RNF216: variants seen among roughly 807,000 people sequenced by gnomAD.
The protein encoded by RNF216 is E3 ubiquitin-protein ligase RNF216.
RNF216 carries 72 observed loss-of-function variants against 110.8 expected under a neutral mutation model. That is an observed-to-expected ratio of 0.65 (90% CI 0.54 to 0.79). RNF216 has a LOEUF of 0.79. RNF216 is among the 30% of genes least tolerant of loss of function. The pLI, the probability that RNF216 is intolerant of heterozygous loss-of-function variation, is 0.00. For synonymous variants in RNF216, 495 were observed against 407.5 expected, an observed-to-expected ratio of 1.21 and a Z score of -2.59; for missense variants, 1,342 against 1,141.2, an observed-to-expected ratio of 1.18 and a Z score of -2.54.
chr7:5,732,969 C>A (rs181900897), intron 5 of RNF216: 2 of 152,326 alleles, frequency 1.3e-5, no homozygotes, highest in African/African-American at 4.8e-5. Context: ...AAGTAGATTA[C>A]CTGCCATGTG....
chr7:5,690,978 C>G (rs866869970), intron 13 of RNF216, among the ~76,000 whole-genome samples: 1 of 152,202 alleles, frequency 6.6e-6, no homozygotes, highest in Non-Finnish European at 1.5e-5. Flanking sequence ...AGCACACAGC[C>G]AGGAGAGGCT....
chr7:5,712,448 G>C (rs1347144897), intron 12 of RNF216, among the ~76,000 whole-genome samples: 1 of 151,900 alleles, frequency 6.6e-6, no homozygotes, highest in Non-Finnish European at 1.5e-5. Context: ...ACTCCAGCCT[G>C]GGCGACAGAG....
Position 5,652,471 on chromosome 7 carries a change from T to G in RNF216, c.2101A>C (p.Asn701His). 6.2e-7 allele frequency: 1 copy of G among 1,613,950 alleles called. No homozygotes were observed. The highest frequency in any genetic ancestry group is 8.5e-7 in the Non-Finnish European group (1 of 1,179,856). The stretch of plus-strand genomic sequence containing the variant: ...GCCAGCTCTTCACAGGTGAGGCCAT[T>G]ATGTTCTTTCCAGAGTCCCTGACAC... ...RKCQGLWKEH[N>H]GLTCEELAEK... The change falls in exon 14 of 17, where the codon AAT becomes CAT. Residue 701 changes from asparagine to histidine, a missense_variant. Physicochemically the swap from Asn to His is moderately conservative, Grantham distance 68. Coordinates refer to ENST00000389902, the MANE Select transcript of RNF216 (RefSeq NM_207111.4).
chr7:5,708,200 A>T (rs1049242853), intron 13 of RNF216, among the ~76,000 whole-genome samples: 1 of 152,242 alleles, frequency 6.6e-6, no homozygotes, highest in African/African-American at 2.4e-5. Context: ...ACAGAGGAGA[A>T]AAAGTGTTTT....
chr7:5,696,247 G>A lies in RNF216; in HGVS notation c.2061+15514C>T, dbSNP rs745522866. Among the ~76,000 whole-genome samples, 1 of 152,250 alleles carries A rather than the reference G, an allele frequency of 6.6e-6. No individual in the cohort carries two copies. The highest frequency in any genetic ancestry group is 1.5e-5 in the Non-Finnish European group (1 of 68,040). On this transcript the variant is annotated intron_variant, in intron 13 of 16. Transcript: ENST00000389902. The surrounding 1 kb of genome is among the most constrained non-coding windows in gnomAD (Gnocchi z 5.4). ...CCATGGAAAAAAAGCAGGGCTCTCA[G>A]CAGCTGGGAAAACATGTTGCAAAAG...
chr7:5,755,184 A>AG (rs1430973077), intron 2 of RNF216, among the ~76,000 whole-genome samples: 1 of 143,850 alleles, frequency 7.0e-6, no homozygotes, highest in East Asian at 2.1e-4. Context: ...GAGGAAAGGA[A>AG]GAAGGAAGGA....
At chr7:5,708,767 A>G (rs1792465717) in intron 13 of RNF216, among the ~76,000 whole-genome samples, 1 of 152,128 alleles carries the variant, frequency 6.6e-6, no homozygotes, top group Non-Finnish European at 1.5e-5. Flanking sequence ...CAGCAGCTCC[A>G]AGGCATCTAG....
At chr7:5,646,470 G>A (rs1484669335) in intron 14 of RNF216, among the ~76,000 whole-genome samples, 1 of 152,104 alleles carries the variant, frequency 6.6e-6, no homozygotes, top group Admixed American at 6.6e-5. Context: ...GAGGCGGGCA[G>A]ATAATGAGGT....
chr7:5,698,384 TACACACACACACACAC>T (rs376096873), intron 13 of RNF216, among the ~76,000 whole-genome samples: 2 of 145,396 alleles, frequency 1.4e-5, no homozygotes, highest in South Asian at 2.2e-4. Flanking sequence ...GATTCTTTTA[TACACACACACACACAC>T]ACACACACAC....
chr7:5,653,789 G>C (rs1377487896), intron 13 of RNF216, among the ~76,000 whole-genome samples: 1 of 152,096 alleles, frequency 6.6e-6, no homozygotes, highest in Admixed American at 6.5e-5. Flanking sequence ...GAGATCCAAA[G>C]GACGAGTCAA....
intron 13 of RNF216, among the ~76,000 whole-genome samples, chr7:5,688,773 G>A (rs982322025): frequency 2.0e-5 from 3 of 152,136 alleles, no homozygotes; most frequent in African/African-American, 7.2e-5. Flanking sequence ...GGTGACTTAG[G>A]ATTGGGCAAT....
At chr7:5,734,082 A>G (rs769600468) in intron 5 of RNF216, among the ~76,000 whole-genome samples, 66 of 152,228 alleles carry the variant, frequency 4.3e-4, no homozygotes, top group Non-Finnish European at 8.1e-4. Context: ...CCAACAAACA[A>G]TTCTGCTGGA....
chr7:5,741,720 A>C lies in RNF216; in HGVS notation c.297T>G (p.Ser99=), dbSNP rs750928346. 20 of 1,614,128 alleles carry C rather than the reference A, an allele frequency of 1.2e-5. No individual in the cohort carries two copies. Among genetic ancestry groups the C allele is most frequent in the Non-Finnish European group, 1.4e-5 (17 of 1,180,064 alleles). ...KRLGEERPKK[S]RAAFESDKSS... ...TCTTATCTGATTCAAATGCTGCTCTAGACTTTTTAGGCCTTTCTTCTCCCA... is the reference window on the plus strand; with the variant it reads ...TCTTATCTGATTCAAATGCTGCTCTCGACTTTTTAGGCCTTTCTTCTCCCA... The change falls in exon 4 of 17, where the codon TCT becomes TCG. Residue 99 remains serine (S), a synonymous_variant. Transcript: ENST00000389902.
At chr7:5,652,934 G>C (rs945432476) in intron 13 of RNF216, among the ~76,000 whole-genome samples, 1 of 152,174 alleles carries the variant, frequency 6.6e-6, no homozygotes. Context: ...AAAATGCTCT[G>C]GGCCATCTGA....
At chr7:5,716,567 G>A (rs1024774073) in intron 10 of RNF216, 149 bp downstream of exon 10, 12 of 583,158 alleles carry the variant, frequency 2.1e-5, no homozygotes, top group Middle Eastern at 2.8e-4. Context: ...ACTAGATCAC[G>A]TATCTGACTA....
intron 13 of RNF216, among the ~76,000 whole-genome samples, chr7:5,704,369 G>A (rs563290453): frequency 1.3e-5 from 2 of 152,278 alleles, no homozygotes; most frequent in East Asian, 1.9e-4. Context: ...ATTAGCTTGT[G>A]GCTCATGTCT....
intron 3 of RNF216, among the ~76,000 whole-genome samples, chr7:5,748,622 AC>A (rs1795168178): frequency 9.0e-6 from 1 of 110,916 alleles, no homozygotes; most frequent in East Asian, 2.2e-4. Context: ...ACACACACAC[AC>A]ACACACACAC....
chr7:5,721,807 A>G (rs538020525), intron 8 of RNF216, among the ~76,000 whole-genome samples: 2 of 152,396 alleles, frequency 1.3e-5, no homozygotes, highest in East Asian at 3.9e-4. Context: ...CTGAAGGAAC[A>G]GTACCTAGAT....
chr7:5,648,343 G>A (rs1294453249), intron 14 of RNF216, among the ~76,000 whole-genome samples: 3 of 151,766 alleles, frequency 2.0e-5, no homozygotes, highest in African/African-American at 7.3e-5. Context: ...CCGACCTCAG[G>A]TGATCCGCCT....
Sources: allele counts gnomAD v4.1 joint callset (sites outside exome capture counted in the v4.1 genomes callset), GRCh38; gene constraint gnomAD v4.1.1; non-coding constraint Gnocchi (gnomAD v3.1); transcripts MANE v1.5; gene names NCBI Gene and HGNC (gene_info 2026-07-23, HGNC 2026-07-21).